Variants in KALRN observed in about 807,000 individuals in gnomAD.
KALRN encodes kalirin.
In KALRN, 70 loss-of-function variants were observed where a neutral mutation model predicts 353.7. The ratio of observed to expected loss-of-function variants is 0.20; its 90% confidence interval spans 0.16 to 0.24. The LOEUF (loss-of-function observed/expected upper bound fraction) is 0.24. Ranked by LOEUF, KALRN falls within the 10% of genes least tolerant of loss-of-function variation. The pLI is 1.00. For missense variants in KALRN, 2,791 were observed against 3,756.7 expected, an observed-to-expected ratio of 0.74 and a Z score of 6.72; for synonymous variants, 1,391 against 1,434.8, an observed-to-expected ratio of 0.97 and a Z score of 0.69.
At chr3:124,286,656 A>T (rs1005751897) in intron 5 of KALRN, among the ~76,000 whole-genome samples, 5 of 152,224 alleles carry the variant, frequency 3.3e-5, no homozygotes, top group African/African-American at 1.2e-4. Flanking sequence ...GTTCAGTATT[A>T]TACTCTGCAA....
intron 1 of KALRN, among the ~76,000 whole-genome samples, chr3:124,221,607 G>C (rs996302772): frequency 1.3e-5 from 2 of 152,166 alleles, no homozygotes; most frequent in African/African-American, 4.8e-5. Flanking sequence ...TAAGAGGTAG[G>C]ATCAACAGAA....
In KALRN at chr3:124,137,357, G is replaced by A. The variant is rs2066047757; in HGVS notation, c.74-90633G>A. ...AGAGTCCAGTTGGCTGTGTGGCTGGGAAGGCTGTGAGCCTGCTGGTCCTGG... is the reference window on the plus strand; with the variant it reads ...AGAGTCCAGTTGGCTGTGTGGCTGGAAAGGCTGTGAGCCTGCTGGTCCTGG... On this transcript the variant is annotated intron_variant, in intron 1 of 59. Coordinates refer to ENST00000682506, the MANE Select transcript of KALRN (RefSeq NM_001388419.1). Among the ~76,000 whole-genome samples the A allele has an allele frequency of 2.6e-5, 4 of 152,144 alleles. No individual in the cohort carries two copies. The South Asian group carries it at 8.3e-4, about 32-fold the overall frequency.
Position 124,720,699 on chromosome 3 carries a change from A to G in KALRN, c.*1229A>G, listed in dbSNP as rs1441407089. The G allele has an allele frequency of 6.6e-6, 1 of 152,412 alleles. No homozygotes were observed. The highest frequency in any genetic ancestry group is 1.9e-4 in the East Asian group (1 of 5,200). The allele number at this position is 152,412 out of a possible 1,614,324, so 9.4% of individuals were successfully genotyped here. A position where few individuals can be genotyped will look rare whatever the true frequency, so the allele number is the denominator to read the frequency against. ...GCTGATAGTTCTCTGAACTAAAAGGACTAATTGTACTTTGAGGCCAATGCT... is the reference window on the plus strand; with the variant it reads ...GCTGATAGTTCTCTGAACTAAAAGGGCTAATTGTACTTTGAGGCCAATGCT... On this transcript the variant is annotated 3_prime_UTR_variant, in exon 60 of 60. Coordinates refer to ENST00000682506, the MANE Select transcript of KALRN (RefSeq NM_001388419.1).
chr3:124,393,436 G>C (rs2089754982), intron 11 of KALRN, among the ~76,000 whole-genome samples: 1 of 152,146 alleles, frequency 6.6e-6, no homozygotes, highest in Non-Finnish European at 1.5e-5. Flanking sequence ...CTGGTTTTAT[G>C]CTGATTTGAA....
chr3:124,043,981 G>C (rs916731539), intron 1 of KALRN, among the ~76,000 whole-genome samples: 1 of 152,086 alleles, frequency 6.6e-6, no homozygotes, highest in African/African-American at 2.4e-5. Flanking sequence ...TCAGGGTACT[G>C]TATCAGTGAT....
At chr3:124,199,299 C>T (rs2075740315) in intron 1 of KALRN, among the ~76,000 whole-genome samples, 1 of 152,178 alleles carries the variant, frequency 6.6e-6, no homozygotes, top group Non-Finnish European at 1.5e-5. Context: ...TCACACACTC[C>T]ACACCACCCC....
intron 11 of KALRN, among the ~76,000 whole-genome samples, chr3:124,394,653 G>A (rs2089934700): frequency 6.6e-6 from 1 of 152,202 alleles, no homozygotes; most frequent in African/African-American, 2.4e-5. Flanking sequence ...TATGGAATAT[G>A]TACAGGTTAT....
At chr3:124,260,406 A>G (rs112852790) in intron 3 of KALRN, among the ~76,000 whole-genome samples, 18 of 152,142 alleles carry the variant, frequency 1.2e-4, no homozygotes, top group African/African-American at 3.9e-4. Flanking sequence ...CCTACATGGC[A>G]GGGGGACCTC....
intron 14 of KALRN, among the ~76,000 whole-genome samples, chr3:124,421,372 A>G (rs1267580783): frequency 6.6e-6 from 1 of 152,230 alleles, no homozygotes; most frequent in African/African-American, 2.4e-5. Flanking sequence ...GGTAAGAGTT[A>G]GGAGTCAGAA....
At chr3:124,483,815 TTAAATA>T (rs1233493673) in intron 28 of KALRN, among the ~76,000 whole-genome samples, 9 of 152,308 alleles carry the variant, frequency 5.9e-5, no homozygotes, top group African/African-American at 2.2e-4. Flanking sequence ...TCTTTAAAAG[TTAAATA>T]ACCAAATATG....
At chr3:124,715,374 T>G (rs778206958) in intron 58 of KALRN, among the ~76,000 whole-genome samples, 3 of 152,216 alleles carry the variant, frequency 2.0e-5, no homozygotes, top group Non-Finnish European at 4.4e-5. Flanking sequence ...CAACTGAGAT[T>G]TGGATTCCCT....
At chr3:124,637,410 A>G (rs1293649546) in intron 37 of KALRN, 107 bp downstream of exon 37, 4 of 816,798 alleles carry the variant, frequency 4.9e-6, no homozygotes, top group African/African-American at 3.4e-5. Flanking sequence ...CATTCTTCCT[A>G]TGTGATTGCA....
intron 2 of KALRN, among the ~76,000 whole-genome samples, chr3:124,228,948 T>A (rs2078868512): frequency 6.6e-6 from 1 of 152,218 alleles, no homozygotes; most frequent in Non-Finnish European, 1.5e-5. Flanking sequence ...TGCCTTCTCC[T>A]CTTGCATCTG....
At chr3:124,087,762 G>T (rs2060899074) in intron 1 of KALRN, among the ~76,000 whole-genome samples, 1 of 152,166 alleles carries the variant, frequency 6.6e-6, no homozygotes, top group Admixed American at 6.5e-5. Flanking sequence ...ACCAGCATCT[G>T]TAGTTCTCTT....
At chr3:124,038,539 G>T (rs577576380) in intron 1 of KALRN, among the ~76,000 whole-genome samples, 6 of 152,226 alleles carry the variant, frequency 3.9e-5, no homozygotes, top group Non-Finnish European at 8.8e-5. Context: ...ATAAGAATAG[G>T]TTCCCTAACA....
intron 5 of KALRN, among the ~76,000 whole-genome samples, chr3:124,297,395 C>T (rs1049816140): frequency 8.5e-5 from 13 of 152,238 alleles, no homozygotes; most frequent in African/African-American, 3.1e-4. Flanking sequence ...TACTCTTTCA[C>T]ACCTTTCTTG....
chr3:124,325,248 G>T (rs1472954542), intron 6 of KALRN, among the ~76,000 whole-genome samples: 2 of 152,158 alleles, frequency 1.3e-5, no homozygotes, highest in South Asian at 2.1e-4. Flanking sequence ...CCTCCTTGAT[G>T]CCTTTTGGGG....
chr3:124,468,204 G>A (rs1012164253), intron 25 of KALRN, among the ~76,000 whole-genome samples: 1 of 152,178 alleles, frequency 6.6e-6, no homozygotes, highest in African/African-American at 2.4e-5. Flanking sequence ...TATATAACAG[G>A]GAAGTTAAAT....
At position 124,205,496 on chromosome 3, in the gene KALRN, C is replaced by T. The variant is rs141214895; in HGVS notation, c.74-22494C>T. On this transcript the variant is annotated intron_variant, in intron 1 of 59. Coordinates refer to ENST00000682506, the MANE Select transcript of KALRN (RefSeq NM_001388419.1). ...GAAATGCAGACAATAATATCTATCTCATGAAATAATATGAGAGGATTTAAT... is the reference window on the plus strand; with the variant it reads ...GAAATGCAGACAATAATATCTATCTTATGAAATAATATGAGAGGATTTAAT... Among the ~76,000 whole-genome samples, 3 of 152,300 alleles carry T rather than the reference C, an allele frequency of 2.0e-5. No individual in the cohort carries two copies. In the East Asian group the frequency reaches 5.8e-4, roughly 29 times the overall value.
Sources: allele counts gnomAD v4.1 joint callset (sites outside exome capture counted in the v4.1 genomes callset), GRCh38; gene constraint gnomAD v4.1.1; transcripts MANE v1.5; gene names NCBI Gene and HGNC (gene_info 2026-07-23, HGNC 2026-07-21).